The following GNB2 variants were observed in gnomAD, a reference collection of about 807,000 sequenced individuals.
The protein encoded by GNB2 is G protein subunit beta 2.
A neutral mutation model predicts 40.7 loss-of-function variants in GNB2; 7 were observed. The observed-to-expected ratio is 0.17, with a 90% CI of 0.10 to 0.32. The LOEUF (loss-of-function observed/expected upper bound fraction) is 0.32. Among genes scored for constraint, GNB2 ranks in the 10% least tolerant of loss-of-function variants. The pLI is 1.00. For missense variants in GNB2, 286 were observed against 473.0 expected, an observed-to-expected ratio of 0.60 and a Z score of 3.67; for synonymous variants, 254 against 191.2, an observed-to-expected ratio of 1.33 and a Z score of -2.71.
chr7:100,676,756 C>A lies in GNB2; in HGVS notation c.160C>A (p.His54Asn). The A allele has an allele frequency of 6.2e-7, 1 of 1,603,412 alleles. No homozygotes were observed. The highest frequency in any genetic ancestry group is 8.5e-7 in the Non-Finnish European group (1 of 1,175,282). ...QMRTRRTLRGHLAKIYAMHWG... is the reference protein window; with the variant it reads ...QMRTRRTLRGNLAKIYAMHWG... ...GAGGACCCGGAGGACCCTCCGTGGG[C>A]ACCTGGCAAAGATCTATGCCATGCA... Residue 54 changes from histidine (H) to asparagine (N), a missense_variant, in exon 4 of 10, where the codon CAC becomes AAC. By Grantham distance (68) the His-to-Asn change is moderately conservative (BLOSUM62 1). Coordinates refer to ENST00000303210, the MANE Select transcript of GNB2 (RefSeq NM_005273.4).
chr7:100,675,967 C>A (rs1804337958), intron 1 of GNB2: 1 of 417,276 alleles, frequency 2.4e-6, no homozygotes, highest in Admixed American at 4.4e-5. Flanking sequence ...ACTTCCCGCT[C>A]CGTTTCCGGG....
In GNB2 at chr7:100,678,803, G is replaced by A; in HGVS notation, c.*2G>A. ...TCCTTCCTCAAGATCTGGAACTAATGGCCCCACCCCCACTGGGCCCAGGCC... is the reference window on the plus strand; with the variant it reads ...TCCTTCCTCAAGATCTGGAACTAATAGCCCCACCCCCACTGGGCCCAGGCC... On this transcript the variant is annotated 3_prime_UTR_variant, in exon 10 of 10. Coordinates refer to ENST00000303210, the MANE Select transcript of GNB2 (RefSeq NM_005273.4). 1 of 1,605,454 alleles carries A rather than the reference G, an allele frequency of 6.2e-7. No homozygotes were observed. Among genetic ancestry groups the A allele is most frequent in the South Asian group, 1.1e-5 (1 of 90,926 alleles).
chr7:100,675,906 T>C, intron 1 of GNB2: 1 of 248,644 alleles, frequency 4.0e-6, no homozygotes. Context: ...GCCGCGGGTG[T>C]CCTGCCCGGG....
chr7:100,677,902 C>A, intron 7 of GNB2, 84 bp downstream of exon 7: 1 of 1,250,966 alleles, frequency 8.0e-7, no homozygotes, highest in Non-Finnish European at 1.2e-6. Flanking sequence ...CAACATGCAG[C>A]ATGCACCGTA....
At chr7:100,675,064 G>C (rs1227904222) in intron 1 of GNB2, among the ~76,000 whole-genome samples, 1 of 151,980 alleles carries the variant, frequency 6.6e-6, no homozygotes, top group Non-Finnish European at 1.5e-5. Context: ...GCCAAGTGCA[G>C]TGTGTACGGC....
At position 100,678,317 on chromosome 7, in the gene GNB2, C is replaced by A; in HGVS notation, c.699+18C>A. 1.2e-6 allele frequency: 2 copies of A among 1,609,528 alleles called. No individual in the cohort carries two copies. Among genetic ancestry groups the A allele is most frequent in the Non-Finnish European group, 1.7e-6 (2 of 1,176,672 alleles). ...CAGTGGCTGTGAGTTTTGGGGCGAG[C>A]TAGGCCAGGCCCTCCCCACCAGGCT... is the stretch of plus-strand genomic sequence containing the variant. On this transcript the variant is annotated intron_variant, in intron 8 of 9. Transcript: ENST00000303210.
Position 100,676,230 on chromosome 7 carries a change from CAG to C in GNB2, c.-35_-34del. The C allele has an allele frequency of 6.8e-7, 1 of 1,463,116 alleles. No individual in the cohort carries two copies. Among genetic ancestry groups the C allele is most frequent in the Non-Finnish European group, 9.4e-7 (1 of 1,067,512 alleles). The allele number at this position is 1,463,116 out of a possible 1,614,324, so 90.6% of individuals were successfully genotyped here. A position where few individuals can be genotyped will look rare whatever the true frequency, so the allele number is the denominator to read the frequency against. On this transcript the variant is annotated 5_prime_UTR_variant, in exon 2 of 10. Coordinates refer to ENST00000303210, the MANE Select transcript of GNB2 (RefSeq NM_005273.4). Reference sequence around the variant, plus strand: ...CCCCCAGCCCCCGTCCCGCGGCCCCCAGCCGCCCCCAACCCTGCCCCACGGGC... The same window carrying C: ...CCCCCAGCCCCCGTCCCGCGGCCCCCCCGCCCCCAACCCTGCCCCACGGGC...
chr7:100,677,566 G>C lies in GNB2; in HGVS notation c.336G>C (p.Val112=). 6.2e-7 allele frequency: 1 copy of C among 1,613,430 alleles called. No homozygotes were observed. The highest frequency in any genetic ancestry group is 2.2e-5 in the East Asian group (1 of 44,882). ...CCTACGCGCCCTCAGGGAACTTTGT[G>C]GCCTGTGGGGGGTTGGACAACATCT... ...TCAYAPSGNF[V]ACGGLDNICS... The change falls in exon 6 of 10, where the codon GTG becomes GTC. Residue 112 remains valine (V), a synonymous_variant. Coordinates refer to ENST00000303210, the MANE Select transcript of GNB2 (RefSeq NM_005273.4).
chr7:100,677,766 T>C lies in GNB2; in HGVS notation c.445T>C (p.Cys149Arg). The change falls in exon 7 of 10, where the codon TGC (cysteine) becomes CGC (arginine). Residue 149 changes from cysteine to arginine, a missense_variant. By Grantham distance (180) the Cys-to-Arg change is radical (BLOSUM62 -3). Transcript: ENST00000303210. ...LPGHTGYLSC[C>R]RFLDDNQIIT... ...TCCTTCCCCAGGGTACCTGTCGTGT[T>C]GCCGCTTCCTGGATGACAACCAAAT... is the stretch of plus-strand genomic sequence containing the variant. 1 of 1,613,794 alleles carries C rather than the reference T, an allele frequency of 6.2e-7. No homozygotes were observed. The highest frequency in any genetic ancestry group is 8.5e-7 in the Non-Finnish European group (1 of 1,179,980).
rs112579229 is a variant in GNB2 at position 100,678,952 on chromosome 7, G to A, written c.*151G>A. 562 of 628,860 alleles carry A rather than the reference G, an allele frequency of 8.9e-4. 2 individuals are homozygous for A. The African/African-American group carries it at 8.9e-3, about 10-fold the overall frequency. The allele number at this position is 628,860 out of a possible 1,614,324, so 39.0% of individuals were successfully genotyped here. A position where few individuals can be genotyped will look rare whatever the true frequency, so the allele number is the denominator to read the frequency against. On this transcript the variant is annotated 3_prime_UTR_variant, in exon 10 of 10. Coordinates refer to ENST00000303210, the MANE Select transcript of GNB2 (RefSeq NM_005273.4). ...CTCCCACCCAGGTTTGGTTCCTCCC[G>A]GGGCCCCCACTGTGGAGATAAGAAG...
chr7:100,676,818 G>A lies in GNB2; in HGVS notation c.203+19G>A, dbSNP rs1804359752. On this transcript the variant is annotated intron_variant, in intron 4 of 9. Transcript: ENST00000303210. ...ACTCAAGGTGTGTGTGTGTGCGCGG[G>A]CTGGCGCTGTGGGCCGACTTTCTAG... 4.2e-6 allele frequency: 6 copies of A among 1,443,430 alleles called. No homozygotes were observed. In the South Asian group the frequency reaches 7.3e-5, roughly 18 times the overall value. 89.4% of individuals were successfully genotyped at this position (1,443,430 alleles called of 1,614,324 possible). A position where few individuals can be genotyped will look rare whatever the true frequency, so the allele number is the denominator to read the frequency against.
At chr7:100,674,283 G>T (rs980944215) in intron 1 of GNB2, among the ~76,000 whole-genome samples, 1 of 150,372 alleles carries the variant, frequency 6.7e-6, no homozygotes, top group African/African-American at 2.5e-5. Context: ...TGCCCCCGGG[G>T]AGCACCCCTC....
At chr7:100,677,015 G>T (rs900274520) in intron 4 of GNB2, 1 of 595,770 alleles carries the variant, frequency 1.7e-6, no homozygotes, top group Non-Finnish European at 3.0e-6. Flanking sequence ...GGTGGCTCAC[G>T]CCTGTAATCC....
In GNB2 at chr7:100,676,230, C is replaced by G. The variant is rs1404899808; in HGVS notation, c.-36C>G. The G allele has an allele frequency of 1.4e-6, 2 of 1,463,114 alleles. No individual in the cohort carries two copies. 90.6% of individuals were successfully genotyped at this position (1,463,114 alleles called of 1,614,324 possible). ...CCCCCAGCCCCCGTCCCGCGGCCCC[C>G]AGCCGCCCCCAACCCTGCCCCACGG... On this transcript the variant is annotated 5_prime_UTR_variant, in exon 2 of 10. Coordinates refer to ENST00000303210, the MANE Select transcript of GNB2 (RefSeq NM_005273.4).
chr7:100,674,569 C>T (rs1375975118), intron 1 of GNB2, among the ~76,000 whole-genome samples: 2 of 152,036 alleles, frequency 1.3e-5, no homozygotes, highest in Non-Finnish European at 2.9e-5. Flanking sequence ...AGGGCCAGGC[C>T]CACTGCGCTT....
Position 100,673,815 on chromosome 7 carries a change from GCGCCGCCGCCGC to G in GNB2, c.-172_-161del, listed in dbSNP as rs374292503. On this transcript the variant is annotated 5_prime_UTR_variant, in exon 1 of 10. Transcript: ENST00000303210. ...CTGGGGCCACTGAGGAAATCCATCC[GCGCCGCCGCCGC>G]CGCCGCCGCCGCCGCCGCCGCCGCC... is the stretch of plus-strand genomic sequence containing the variant. 3.0e-3 allele frequency: 529 copies of G among 178,332 alleles called. 3 individuals carry two copies. Among genetic ancestry groups the G allele is most frequent in the Middle Eastern group, 0.01 (4 of 398 alleles). 11.0% of individuals were successfully genotyped at this position (178,332 alleles called of 1,614,324 possible). A position where few individuals can be genotyped will look rare whatever the true frequency, so the allele number is the denominator to read the frequency against.
rs189780826 is a variant in GNB2 at position 100,679,003 on chromosome 7, G to A, written c.*202G>A. The A allele has an allele frequency of 2.7e-4, 154 of 571,632 alleles. No homozygotes were observed. Among genetic ancestry groups the A allele is most frequent in the African/African-American group, 2.2e-3 (116 of 53,610 alleles). The allele number at this position is 571,632 out of a possible 1,614,324, so 35.4% of individuals were successfully genotyped here. ...GGGATGGAATGGGGGAAGAGGAGGA[G>A]CAGGAGGCCCTCATCCTTCTGCTGC... On this transcript the variant is annotated 3_prime_UTR_variant, in exon 10 of 10. Transcript: ENST00000303210.
chr7:100,676,144 CCTCGGGCCTGACG>C lies in GNB2; in HGVS notation c.-89-32_-89-20del. 1.7e-6 allele frequency: 1 copy of C among 584,960 alleles called. No homozygotes were observed. Among genetic ancestry groups the C allele is most frequent in the East Asian group, 3.1e-5 (1 of 32,428 alleles). The allele number at this position is 584,960 out of a possible 1,614,324, so 36.2% of individuals were successfully genotyped here. ...GCCTTTCTCCCCACTTCCCCGGCGGCCTCGGGCCTGACGTCAGCCCTGCATCCCCCAGGCCTCG... is the reference window on the plus strand; with the variant it reads ...GCCTTTCTCCCCACTTCCCCGGCGGCTCAGCCCTGCATCCCCCAGGCCTCG... On this transcript the variant is annotated intron_variant, in intron 1 of 9. Coordinates refer to ENST00000303210, the MANE Select transcript of GNB2 (RefSeq NM_005273.4).
intron 4 of GNB2, 97 bp downstream of exon 4, chr7:100,676,896 C>G: frequency 1.4e-6 from 1 of 698,372 alleles, no homozygotes; most frequent in Non-Finnish European, 2.5e-6. Context: ...CACCAAAATA[C>G]CCAGCGTACG....
Sources: allele counts gnomAD v4.1 joint callset (sites outside exome capture counted in the v4.1 genomes callset), GRCh38; gene constraint gnomAD v4.1.1; transcripts MANE v1.5; gene names NCBI Gene and HGNC (gene_info 2026-07-23, HGNC 2026-07-21).